IQGAP2: variants seen among roughly 807,000 people sequenced by gnomAD.
IQGAP2 encodes the protein IQ motif containing GTPase activating protein 2, also known as ras GTPase-activating-like protein IQGAP2.
In IQGAP2, 173 loss-of-function variants were observed where a neutral mutation model predicts 201.3. The ratio of observed to expected loss-of-function variants is 0.86; its 90% CI spans 0.76 to 0.98. The LOEUF is 0.98. Among genes scored for constraint, IQGAP2 ranks in the 50% least tolerant of loss-of-function variants. IQGAP2 has a pLI of 0.00. For missense variants in IQGAP2, 1,687 were observed against 1,864.8 expected (o/e 0.90, Z 1.76); for synonymous variants, 675 against 673.9 (o/e 1.00, Z -0.03).
intron 2 of IQGAP2, among the ~76,000 whole-genome samples, chr5:76,535,538 G>A (rs1759571916): frequency 6.6e-6 from 1 of 152,222 alleles, no homozygotes; most frequent in Non-Finnish European, 1.5e-5. Context: ...CAACAGCAGA[G>A]CATTCAACGA....
chr5:76,681,163 TTTGA>T (rs1222066521), intron 28 of IQGAP2, among the ~76,000 whole-genome samples: 5 of 151,214 alleles, frequency 3.3e-5, no homozygotes, highest in Non-Finnish European at 5.9e-5. Flanking sequence ...AAATAATATG[TTTGA>T]TTGGGGACTT....
At chr5:76,461,541 A>T in intron 1 of IQGAP2, 29 bp from the exon 2 acceptor site, 1 of 1,526,186 alleles carries the variant, frequency 6.6e-7, no homozygotes, top group Non-Finnish European at 9.1e-7. Flanking sequence ...TGCCTTTGTA[A>T]ATCACATGTT....
intron 2 of IQGAP2, among the ~76,000 whole-genome samples, chr5:76,548,142 G>A (rs758905225): frequency 6.6e-5 from 10 of 152,126 alleles, no homozygotes; most frequent in Non-Finnish European, 1.2e-4. Context: ...TTCTCTGTGA[G>A]GTAGCAAGTA....
At chr5:76,551,618 C>G (rs1041347360) in intron 2 of IQGAP2, among the ~76,000 whole-genome samples, 1 of 151,462 alleles carries the variant, frequency 6.6e-6, no homozygotes, top group East Asian at 1.9e-4. Context: ...CTCGGGAGGC[C>G]GAGGCAGGCA....
intron 31 of IQGAP2, among the ~76,000 whole-genome samples, chr5:76,695,083 T>C (rs1240535635): frequency 6.6e-6 from 1 of 152,228 alleles, no homozygotes; most frequent in Non-Finnish European, 1.5e-5. Flanking sequence ...TTCAGGGTTC[T>C]CATAGCCACA....
chr5:76,699,151 A>AC (rs1315687139), intron 33 of IQGAP2, among the ~76,000 whole-genome samples: 4 of 152,088 alleles, frequency 2.6e-5, no homozygotes, highest in Admixed American at 1.3e-4. Context: ...CTCTGAAACC[A>AC]CCATTCTATT....
intron 17 of IQGAP2, among the ~76,000 whole-genome samples, chr5:76,645,763 A>G (rs1179148290): frequency 6.6e-6 from 1 of 152,154 alleles, no homozygotes; most frequent in Admixed American, 6.6e-5. Flanking sequence ...AAAATTTTAC[A>G]TAAATAGTTA....
At chr5:76,448,568 A>G (rs180984933) in intron 1 of IQGAP2, among the ~76,000 whole-genome samples, 9 of 152,250 alleles carry the variant, frequency 5.9e-5, no homozygotes, top group Admixed American at 5.9e-4. Flanking sequence ...AGGGCAAGAA[A>G]CCCATCTGGT....
intron 30 of IQGAP2, among the ~76,000 whole-genome samples, chr5:76,689,291 G>A (rs374487333): frequency 2.7e-5 from 4 of 146,862 alleles, no homozygotes; most frequent in East Asian, 3.9e-4. Flanking sequence ...TAGTCGAGGG[G>A]TCTTAGGGAT....
intron 2 of IQGAP2, among the ~76,000 whole-genome samples, chr5:76,464,325 G>A (rs1754654778): frequency 6.6e-6 from 1 of 152,214 alleles, no homozygotes; most frequent in African/African-American, 2.4e-5. Flanking sequence ...GAAAAGATGA[G>A]AGGATTTATT....
intron 1 of IQGAP2, among the ~76,000 whole-genome samples, chr5:76,421,036 G>A (rs2150080858): frequency 6.6e-6 from 1 of 152,198 alleles, no homozygotes; most frequent in South Asian, 2.1e-4. Context: ...GCGAGCATGG[G>A]TGTACAAATA....
At chr5:76,428,337 C>T (rs914205213) in intron 1 of IQGAP2, among the ~76,000 whole-genome samples, 4 of 151,748 alleles carry the variant, frequency 2.6e-5, no homozygotes, top group Non-Finnish European at 4.4e-5. Flanking sequence ...TTGGGCACCA[C>T]GTGAAGTGAG....
intron 33 of IQGAP2, among the ~76,000 whole-genome samples, chr5:76,700,020 G>A (rs1338883935): frequency 6.7e-6 from 1 of 150,086 alleles, no homozygotes; most frequent in African/African-American, 2.5e-5. Flanking sequence ...ACTACATATA[G>A]TGTGCATATG....
At chr5:76,594,026 A>G (rs1181422934) in intron 9 of IQGAP2, among the ~76,000 whole-genome samples, 3 of 152,250 alleles carry the variant, frequency 2.0e-5, no homozygotes, top group South Asian at 2.1e-4. Context: ...TCACATACAC[A>G]TAACTGGGCT....
At chr5:76,629,154 C>G (rs1750494116) in intron 14 of IQGAP2, among the ~76,000 whole-genome samples, 1 of 152,112 alleles carries the variant, frequency 6.6e-6, no homozygotes, top group African/African-American at 2.4e-5. Context: ...ATCTAAAATC[C>G]TATCTTTTCA....
intron 3 of IQGAP2, among the ~76,000 whole-genome samples, chr5:76,566,066 C>T (rs759404339): frequency 1.6e-4 from 24 of 151,944 alleles, no homozygotes; most frequent in Non-Finnish European, 2.6e-4. Flanking sequence ...AGGTATGCCA[C>T]GATAGAAATA....
At chr5:76,423,362 C>T (rs1751829701) in intron 1 of IQGAP2, among the ~76,000 whole-genome samples, 1 of 152,162 alleles carries the variant, frequency 6.6e-6, no homozygotes, top group Non-Finnish European at 1.5e-5. Context: ...GTGGCTCATG[C>T]CTGTAATCCC....
chr5:76,568,499 T>A (rs1457566105), intron 3 of IQGAP2, among the ~76,000 whole-genome samples: 1 of 152,236 alleles, frequency 6.6e-6, no homozygotes, highest in Non-Finnish European at 1.5e-5. Flanking sequence ...TTCCTGAGAT[T>A]ACTTTGCTAA....
intron 2 of IQGAP2, among the ~76,000 whole-genome samples, chr5:76,551,308 A>C (rs1580437166): frequency 6.6e-6 from 1 of 150,840 alleles, no homozygotes; most frequent in South Asian, 2.1e-4. Context: ...GCGGCCGGGC[A>C]GAGATGCTCC....
Sources: gnomAD v4.1 joint callset for allele counts (sites outside exome capture counted in the v4.1 genomes callset) on GRCh38, gnomAD v4.1.1 for gene constraint, MANE v1.5 for transcripts, NCBI Gene and HGNC (gene_info 2026-07-23, HGNC 2026-07-21) for gene names.